PAIP2B: variants seen among roughly 807,000 people sequenced by gnomAD.
PAIP2B encodes polyadenylate-binding protein-interacting protein 2B.
A neutral mutation model predicts 17.0 loss-of-function variants in PAIP2B; 13 were observed. The ratio of observed to expected loss-of-function variants is 0.76; its 90% CI spans 0.50 to 1.22. The LOEUF is 1.22. Among genes scored for constraint, PAIP2B ranks in the 50% most tolerant of loss-of-function variants. The pLI is 0.00. For synonymous variants in PAIP2B, 43 were observed against 48.7 expected, an observed-to-expected ratio of 0.88 and a Z score of 0.48; for missense variants, 117 against 144.5, an observed-to-expected ratio of 0.81 and a Z score of 0.98.
intron 1 of PAIP2B, among the ~76,000 whole-genome samples, chr2:71,225,345 C>G (rs890793118): frequency 6.6e-6 from 1 of 152,170 alleles, no homozygotes; most frequent in East Asian, 1.9e-4. Flanking sequence ...CATACTGATA[C>G]ATACATTACA....
At chr2:71,199,233 C>T (rs1287006817) in intron 2 of PAIP2B, among the ~76,000 whole-genome samples, 6 of 151,928 alleles carry the variant, frequency 3.9e-5, no homozygotes, top group African/African-American at 1.4e-4. Flanking sequence ...GGAAGTAATC[C>T]ATTTTCTTTG....
intron 1 of PAIP2B, among the ~76,000 whole-genome samples, chr2:71,206,424 G>T (rs1404764233): frequency 6.6e-6 from 1 of 152,172 alleles, no homozygotes; most frequent in Non-Finnish European, 1.5e-5. Flanking sequence ...TGTCACTTTG[G>T]CTGAAAATGG....
At chr2:71,195,930 C>G (rs1674807009) in intron 2 of PAIP2B, among the ~76,000 whole-genome samples, 1 of 152,180 alleles carries the variant, frequency 6.6e-6, no homozygotes, top group Admixed American at 6.5e-5. Flanking sequence ...AGCCACCACG[C>G]CTGGCCTATT....
At chr2:71,198,933 T>A (rs577552392) in intron 2 of PAIP2B, among the ~76,000 whole-genome samples, 3 of 152,318 alleles carry the variant, frequency 2.0e-5, no homozygotes, top group Admixed American at 6.5e-5. Context: ...GGTTTTGCCA[T>A]CCTCCTGAAT....
chr2:71,202,904 T>C (rs1234500457), intron 1 of PAIP2B, among the ~76,000 whole-genome samples: 1 of 152,168 alleles, frequency 6.6e-6, no homozygotes, highest in Non-Finnish European at 1.5e-5. Context: ...GCCAAATTTC[T>C]GTAGGTCCTG....
rs181331250 is a variant in PAIP2B at position 71,186,283 on chromosome 2, T to C, written c.*2196A>G. 1 of 152,206 alleles carries C rather than the reference T, an allele frequency of 6.6e-6. No individual in the cohort carries two copies. The highest frequency in any genetic ancestry group is 2.4e-5 in the African/African-American group (1 of 41,504). The allele number at this position is 152,206 out of a possible 1,614,324, so 9.4% of individuals were successfully genotyped here. ...CAACATAAATAGATGGCAAAAAGAGTTGGACTACAAGAGGAACCGCCGGAA... is the reference window on the plus strand; with the variant it reads ...CAACATAAATAGATGGCAAAAAGAGCTGGACTACAAGAGGAACCGCCGGAA... On this transcript the variant is annotated 3_prime_UTR_variant, in exon 4 of 4. Transcript: ENST00000244221.
rs537776264 is a variant in PAIP2B, at chr2:71,186,651, C to T, written c.*1828G>A. On this transcript the variant is annotated 3_prime_UTR_variant, in exon 4 of 4. Coordinates refer to ENST00000244221, the MANE Select transcript of PAIP2B (RefSeq NM_020459.1). ...CCTTTCCCTTTTAGAGGAAACAACC[C>T]AGCTGAAAGCTGAAGCTTGAATAAA... The T allele has an allele frequency of 3.3e-5, 5 of 152,320 alleles. No homozygotes were observed. Among genetic ancestry groups the T allele is most frequent in the African/African-American group, 1.2e-4 (5 of 41,566 alleles). 9.4% of individuals were successfully genotyped at this position (152,320 alleles called of 1,614,324 possible). A position where few individuals can be genotyped will look rare whatever the true frequency, so the allele number is the denominator to read the frequency against.
intron 1 of PAIP2B, among the ~76,000 whole-genome samples, chr2:71,221,793 G>C (rs922507338): frequency 5.9e-5 from 9 of 152,178 alleles, no homozygotes; most frequent in Admixed American, 4.6e-4. Context: ...GTCGAGTGGG[G>C]ACTTGGGGAA....
chr2:71,191,489 C>T (rs1280631600), intron 2 of PAIP2B, among the ~76,000 whole-genome samples: 3 of 152,324 alleles, frequency 2.0e-5, no homozygotes, highest in East Asian at 3.9e-4. Flanking sequence ...AAACATGCTA[C>T]GTGCAATTCA....
chr2:71,185,613 G>A lies in PAIP2B; in HGVS notation c.*2866C>T, dbSNP rs1674517375. ...AAAAAAGAGGGACCCCAGCTGCTGTGACTTTGGAAACTAAAGGTGTTAACA... is the reference window on the plus strand; with the variant it reads ...AAAAAAGAGGGACCCCAGCTGCTGTAACTTTGGAAACTAAAGGTGTTAACA... On this transcript the variant is annotated 3_prime_UTR_variant, in exon 4 of 4. Coordinates refer to ENST00000244221, the MANE Select transcript of PAIP2B (RefSeq NM_020459.1). 1 of 150,924 alleles carries A rather than the reference G, an allele frequency of 6.6e-6. No homozygotes were observed. The highest frequency in any genetic ancestry group is 1.5e-5 in the Non-Finnish European group (1 of 67,900). 9.3% of individuals were successfully genotyped at this position (150,924 alleles called of 1,614,324 possible).
chr2:71,191,096 G>A (rs1331284657), intron 2 of PAIP2B, among the ~76,000 whole-genome samples: 1 of 152,114 alleles, frequency 6.6e-6, no homozygotes, highest in Non-Finnish European at 1.5e-5. Context: ...GTCTTTGATA[G>A]GCCTCTTGCT....
Position 71,183,703 on chromosome 2 carries a change from A to G in PAIP2B, c.*4776T>C, listed in dbSNP as rs1370626208. The stretch of plus-strand genomic sequence containing the variant: ...AAGGGACCACATATTGTATGATTCC[A>G]TTGATTTGAACTGTCCAGAAAGGGC... On this transcript the variant is annotated 3_prime_UTR_variant, in exon 4 of 4. Transcript: ENST00000244221. 6.6e-6 allele frequency: 1 copy of G among 152,228 alleles called. No homozygotes were observed. The highest frequency in any genetic ancestry group is 1.5e-5 in the Non-Finnish European group (1 of 68,040). The allele number at this position is 152,228 out of a possible 1,614,324, so 9.4% of individuals were successfully genotyped here. A position where few individuals can be genotyped will look rare whatever the true frequency, so the allele number is the denominator to read the frequency against.
chr2:71,184,939 C>T lies in PAIP2B; in HGVS notation c.*3540G>A, dbSNP rs548946083. 6 of 152,234 alleles carry T rather than the reference C, an allele frequency of 3.9e-5. No homozygotes were observed. The East Asian group carries it at 5.8e-4, about 15-fold the overall frequency. The allele number at this position is 152,234 out of a possible 1,614,324, so 9.4% of individuals were successfully genotyped here. A position where few individuals can be genotyped will look rare whatever the true frequency, so the allele number is the denominator to read the frequency against. ...ACCTAAACTGAGAAAGATTATTAGC[C>T]CGTGATGGTGGGACCCTTATTGACG... On this transcript the variant is annotated 3_prime_UTR_variant, in exon 4 of 4. Coordinates refer to ENST00000244221, the MANE Select transcript of PAIP2B (RefSeq NM_020459.1).
intron 1 of PAIP2B, among the ~76,000 whole-genome samples, chr2:71,225,067 A>G (rs116744758): frequency 0.017 from 2,582 of 152,180 alleles, 66 homozygotes; most frequent in African/African-American, 0.058. Context: ...TGATTGGTTG[A>G]TTGACTGAGA....
At chr2:71,189,582 T>C (rs1351531571) in intron 3 of PAIP2B, among the ~76,000 whole-genome samples, 1 of 152,196 alleles carries the variant, frequency 6.6e-6, no homozygotes, top group Non-Finnish European at 1.5e-5. Context: ...GAAGAGCCCA[T>C]TAGAAAGTAA....
At chr2:71,211,881 G>A (rs1276763541) in intron 1 of PAIP2B, among the ~76,000 whole-genome samples, 1 of 152,132 alleles carries the variant, frequency 6.6e-6, no homozygotes, top group Non-Finnish European at 1.5e-5. Flanking sequence ...CAAAAGACTT[G>A]CCAAAAGTCA....
intron 1 of PAIP2B, among the ~76,000 whole-genome samples, chr2:71,214,713 G>T (rs1472703853): frequency 3.3e-5 from 5 of 152,038 alleles, no homozygotes; most frequent in Non-Finnish European, 7.4e-5. Context: ...TTAATGTATC[G>T]GGTGACTAAG....
intron 1 of PAIP2B, among the ~76,000 whole-genome samples, chr2:71,217,831 G>C (rs1675466578): frequency 2.0e-5 from 2 of 102,184 alleles, no homozygotes; most frequent in Admixed American, 2.0e-4. Context: ...ACTTTGGCAA[G>C]CCAAGGGGGG....
intron 1 of PAIP2B, among the ~76,000 whole-genome samples, chr2:71,207,307 C>A (rs939669895): frequency 6.6e-6 from 1 of 151,860 alleles, no homozygotes. Flanking sequence ...GAGAAAATGA[C>A]GTACAATGAA....
Sources: allele counts gnomAD v4.1 joint callset (sites outside exome capture counted in the v4.1 genomes callset), GRCh38; gene constraint gnomAD v4.1.1; transcripts MANE v1.5; gene names NCBI Gene and HGNC (gene_info 2026-07-23, HGNC 2026-07-21).